RPIA: variants seen among roughly 807,000 people sequenced by gnomAD.
RPIA encodes ribose-5-phosphate isomerase.
A neutral mutation model predicts 37.8 loss-of-function variants in RPIA; 29 were observed. The ratio of observed to expected loss-of-function variants is 0.77; its 90% CI spans 0.57 to 1.05. The LOEUF is 1.05. Among genes scored for constraint, RPIA ranks in the 50% least tolerant of loss-of-function variants. RPIA has a pLI of 0.00. For missense variants in RPIA, 385 were observed against 413.6 expected, an observed-to-expected ratio of 0.93 and a Z score of 0.60; for synonymous variants, 167 against 157.0, an observed-to-expected ratio of 1.06 and a Z score of -0.48.
chr2:88,703,145 C>G (rs762040569), intron 3 of RPIA, among the ~76,000 whole-genome samples: 72 of 152,196 alleles, frequency 4.7e-4, no homozygotes, highest in Non-Finnish European at 9.0e-4. Context: ...CAGCCTTCCT[C>G]CTGGCTGCTT....
At chr2:88,747,530 G>A (rs1305851733) in intron 8 of RPIA, among the ~76,000 whole-genome samples, 1 of 152,192 alleles carries the variant, frequency 6.6e-6, no homozygotes, top group Non-Finnish European at 1.5e-5. Context: ...CCTTCATCCT[G>A]TGGCCCCTCC....
intron 8 of RPIA, among the ~76,000 whole-genome samples, chr2:88,740,227 G>T (rs922693594): frequency 2.0e-5 from 3 of 152,132 alleles, no homozygotes; most frequent in African/African-American, 7.2e-5. Flanking sequence ...TTAGACCTTG[G>T]CTGCTTAAGG....
At chr2:88,694,991 AAAAAG>A (rs1243316228) in intron 1 of RPIA, among the ~76,000 whole-genome samples, 49 of 150,168 alleles carry the variant, frequency 3.3e-4, no homozygotes, top group African/African-American at 9.7e-4. Context: ...AAAAAAAAAA[AAAAAG>A]AAAAAGAAAA....
At chr2:88,714,780 C>G (rs979015956) in intron 3 of RPIA, among the ~76,000 whole-genome samples, 4 of 152,226 alleles carry the variant, frequency 2.6e-5, no homozygotes, top group Admixed American at 2.6e-4. Flanking sequence ...GAAAGTGCAG[C>G]ATCTCCTGAA....
intron 3 of RPIA, among the ~76,000 whole-genome samples, chr2:88,702,703 C>A (rs1394174755): frequency 6.6e-6 from 1 of 152,186 alleles, no homozygotes; most frequent in African/African-American, 2.4e-5. Context: ...AGAATGCTGG[C>A]AGCCTGCAGC....
intron 8 of RPIA, among the ~76,000 whole-genome samples, chr2:88,740,168 T>C (rs1296190217): frequency 6.6e-6 from 1 of 152,136 alleles, no homozygotes; most frequent in Non-Finnish European, 1.5e-5. Context: ...GTGGCTGCCG[T>C]ATAGGTGGAG....
At chr2:88,713,290 T>G (rs914365686) in intron 3 of RPIA, among the ~76,000 whole-genome samples, 1 of 149,640 alleles carries the variant, frequency 6.7e-6, no homozygotes, top group East Asian at 2.0e-4. Context: ...GCCTCCTGAA[T>G]AGCTGGAATA....
At chr2:88,737,924 T>C in intron 7 of RPIA, 53 bp from the exon 8 acceptor site, 7 of 1,364,476 alleles carry the variant, frequency 5.1e-6, no homozygotes, top group Non-Finnish European at 6.3e-6. Context: ...TTCCTGTCCT[T>C]CTCTGCCTAC....
At chr2:88,721,474 A>G (rs1327619157) in intron 3 of RPIA, among the ~76,000 whole-genome samples, 1 of 147,204 alleles carries the variant, frequency 6.8e-6, no homozygotes, top group Non-Finnish European at 1.5e-5. Flanking sequence ...ACATATTAGT[A>G]TATTGTTTTA....
chr2:88,729,224 C>A (rs532436876), intron 3 of RPIA, 54 bp from the exon 4 acceptor site: 85 of 1,570,396 alleles, frequency 5.4e-5, no homozygotes, highest in Admixed American at 3.3e-4. Context: ...TTCTGAGAAT[C>A]CTTGTCATGA....
intron 3 of RPIA, among the ~76,000 whole-genome samples, chr2:88,722,671 C>T (rs1025117377): frequency 2.0e-5 from 3 of 152,222 alleles, no homozygotes; most frequent in Non-Finnish European, 2.9e-5. Context: ...CAGATCCTCT[C>T]ACAGTACAAG....
At chr2:88,721,474 ATAT>A (rs1319564235) in intron 3 of RPIA, among the ~76,000 whole-genome samples, 1 of 147,204 alleles carries the variant, frequency 6.8e-6, no homozygotes, top group South Asian at 2.1e-4. Flanking sequence ...ACATATTAGT[ATAT>A]TGTTTTATTA....
Position 88,750,189 on chromosome 2 carries a change from T to TG in RPIA, c.*117dup. The TG allele has an allele frequency of 1.9e-6, 1 of 524,412 alleles. No homozygotes were observed. The highest frequency in any genetic ancestry group is 3.7e-6 in the Non-Finnish European group (1 of 272,940). 32.5% of individuals were successfully genotyped at this position (524,412 alleles called of 1,614,324 possible). On this transcript the variant is annotated 3_prime_UTR_variant, in exon 9 of 9. Transcript: ENST00000283646. ...GTATCTCTGCCTGGACAACTTGTGG[T>TG]GGGGGGTGGGGGGAAGAGTGGGAGG...
rs555438385 is a variant in RPIA, at chr2:88,705,630, AC to A, written c.402+5568del. 2.5e-3 allele frequency among the ~76,000 whole-genome samples: 376 copies of A among 152,310 alleles called. 4 individuals are homozygous for A. Among genetic ancestry groups the A allele is most frequent in the African/African-American group, 8.9e-3 (369 of 41,568 alleles). ...CACTATAAAAACCCTAGAAGAAAAT[AC>A]CATTCAGGACATAGGCACAGGCAAT... is the stretch of plus-strand genomic sequence containing the variant. On this transcript the variant is annotated intron_variant, in intron 3 of 8. Transcript: ENST00000283646.
rs1485454739 is a variant in RPIA, at chr2:88,698,983, CA to C, written c.346+440del. Among the ~76,000 whole-genome samples the C allele has an allele frequency of 2.0e-5, 3 of 152,202 alleles. No homozygotes were observed. In the East Asian group the frequency reaches 5.8e-4, roughly 29 times the overall value. Reference sequence around the variant, plus strand: ...GGCTGGTTCCTGCAGGTGCTCATTTCACACTGATTAGGGTGTCTCTATGCTT... The same window carrying C: ...GGCTGGTTCCTGCAGGTGCTCATTTCCACTGATTAGGGTGTCTCTATGCTT... On this transcript the variant is annotated intron_variant, in intron 2 of 8. Coordinates refer to ENST00000283646, the MANE Select transcript of RPIA (RefSeq NM_144563.3).
intron 3 of RPIA, among the ~76,000 whole-genome samples, chr2:88,716,520 TC>T (rs1193110385): frequency 6.6e-6 from 1 of 152,200 alleles, no homozygotes; most frequent in Non-Finnish European, 1.5e-5. Context: ...GGAAGTTTGA[TC>T]CTGTGTTTTT....
intron 1 of RPIA, among the ~76,000 whole-genome samples, chr2:88,695,379 A>G (rs1406615082): frequency 1.3e-5 from 2 of 152,194 alleles, no homozygotes; most frequent in Non-Finnish European, 2.9e-5. Context: ...GAGAGTGTTG[A>G]AATTGAATTG....
chr2:88,727,683 C>T (rs1017952593), intron 3 of RPIA, among the ~76,000 whole-genome samples: 1 of 152,198 alleles, frequency 6.6e-6, no homozygotes, highest in African/African-American at 2.4e-5. Context: ...TGGCCTCTGG[C>T]TCCATCCATG....
At chr2:88,749,941 GA>G (rs1201638260) in intron 8 of RPIA, 39 bp from the exon 9 acceptor site, 1 of 1,477,346 alleles carries the variant, frequency 6.8e-7, no homozygotes, top group East Asian at 2.3e-5. Flanking sequence ...TTTGCTTTGG[GA>G]GGCTGAAACA....
Sources: allele counts gnomAD v4.1 joint callset (sites outside exome capture counted in the v4.1 genomes callset), GRCh38; gene constraint gnomAD v4.1.1; transcripts MANE v1.5; gene names NCBI Gene and HGNC (gene_info 2026-07-23, HGNC 2026-07-21).